Variants in PLPBP observed in about 807,000 individuals in gnomAD.
PLPBP encodes the protein pyridoxal phosphate homeostasis protein.
PLPBP carries 21 observed loss-of-function variants against 31.2 expected under a neutral mutation model. The observed-to-expected ratio is 0.67, with a 90% confidence interval of 0.48 to 0.97. PLPBP has a LOEUF of 0.97. PLPBP is among the 50% of genes least tolerant of loss of function. PLPBP has a pLI of 0.00. For missense variants in PLPBP, 308 were observed against 354.4 expected (o/e 0.87, Z 1.05); for synonymous variants, 124 against 135.6 (o/e 0.91, Z 0.59).
chr8:37,774,505 A>G (rs987494265), intron 5 of PLPBP, among the ~76,000 whole-genome samples: 2 of 152,262 alleles, frequency 1.3e-5, no homozygotes, highest in Admixed American at 6.5e-5. Context: ...AACCCTACAC[A>G]TGTTGTTAGC....
At chr8:37,764,134 G>A (rs1381564089) in intron 1 of PLPBP, among the ~76,000 whole-genome samples, 1 of 145,314 alleles carries the variant, frequency 6.9e-6, no homozygotes, top group Non-Finnish European at 1.5e-5. Context: ...ACAGAGTCTC[G>A]TTCTGTCGCC....
rs1563327341 is a variant in PLPBP at position 37,775,372 on chromosome 8, C to T, written c.488C>T (p.Ala163Val). Residue 163 changes from alanine (A) to valine (V), a missense_variant, in exon 6 of 8, where the codon GCC becomes GTC. By Grantham distance (64) the Ala-to-Val change is moderately conservative. Transcript: ENST00000328195. ...KHGLPPSETI[A>V]IVEHINAKCP... The stretch of plus-strand genomic sequence containing the variant: ...GGCCTTCCACCTTCAGAGACCATAG[C>T]CATCGTGGAGCACATAAACGCCAAG... The T allele has an allele frequency of 6.2e-7, 1 of 1,614,200 alleles. No homozygotes were observed. The highest frequency in any genetic ancestry group is 1.3e-5 in the African/African-American group (1 of 75,066).
At chr8:37,775,242 G>T in intron 5 of PLPBP, 97 bp from the exon 6 acceptor site, 1 of 1,410,384 alleles carries the variant, frequency 7.1e-7, no homozygotes. Flanking sequence ...CTCTTGTTGG[G>T]GGTCACCTCT....
At chr8:37,766,551 G>A (rs1585931001) in intron 4 of PLPBP, 196 bp downstream of exon 4, 2 of 1,214,548 alleles carry the variant, frequency 1.6e-6, no homozygotes, top group East Asian at 6.9e-5. Flanking sequence ...CATTTTCTGG[G>A]TTATATATAC....
intron 4 of PLPBP, among the ~76,000 whole-genome samples, chr8:37,772,049 T>G (rs1242006228): frequency 6.6e-6 from 1 of 152,248 alleles, no homozygotes; most frequent in African/African-American, 2.4e-5. Context: ...ACTGCCCATC[T>G]GAAATACTTG....
chr8:37,775,119 T>C (rs1803866949), intron 5 of PLPBP: 3 of 414,144 alleles, frequency 7.2e-6, no homozygotes, highest in South Asian at 5.4e-5. Context: ...GGAAAGAGAA[T>C]CCAACTGATA....
Position 37,771,913 on chromosome 8 carries a change from T to C in PLPBP, c.320-842T>C, listed in dbSNP as rs572101979. Reference sequence around the variant, plus strand: ...AGGCAGAGGTTGCAGTGAGCCAAGATTGTGCCACTGCACTCTAGCCTGGGC... The same window carrying C: ...AGGCAGAGGTTGCAGTGAGCCAAGACTGTGCCACTGCACTCTAGCCTGGGC... On this transcript the variant is annotated intron_variant, in intron 4 of 7. Transcript: ENST00000328195. 3.7e-3 allele frequency among the ~76,000 whole-genome samples: 569 copies of C among 152,236 alleles called. 3 individuals carry two copies. The highest frequency in any genetic ancestry group is 0.013 in the African/African-American group (538 of 41,552).
chr8:37,770,918 A>G (rs1000736028), intron 4 of PLPBP, among the ~76,000 whole-genome samples: 3 of 151,984 alleles, frequency 2.0e-5, no homozygotes, highest in African/African-American at 7.2e-5. Flanking sequence ...GGGAGCGGGG[A>G]AGGAGCCAGC....
intron 1 of PLPBP, among the ~76,000 whole-genome samples, chr8:37,763,750 T>C (rs1423750781): frequency 6.6e-6 from 1 of 152,182 alleles, no homozygotes; most frequent in African/African-American, 2.4e-5. Flanking sequence ...TAGTCACGAC[T>C]TGGACTCAAA....
intron 5 of PLPBP, among the ~76,000 whole-genome samples, chr8:37,773,421 C>T (rs1444501266): frequency 1.3e-5 from 2 of 150,216 alleles, no homozygotes; most frequent in Admixed American, 1.3e-4. Flanking sequence ...CCACCCATCT[C>T]GGCCTCCCAA....
At chr8:37,765,950 C>T (rs1803615841) in intron 3 of PLPBP, among the ~76,000 whole-genome samples, 1 of 152,082 alleles carries the variant, frequency 6.6e-6, no homozygotes, top group Non-Finnish European at 1.5e-5. Context: ...GTCGTTTTCT[C>T]ATTGGTGGCT....
intron 1 of PLPBP, among the ~76,000 whole-genome samples, chr8:37,764,572 C>T (rs1200411423): frequency 1.3e-5 from 2 of 152,318 alleles, no homozygotes; most frequent in Admixed American, 6.5e-5. Flanking sequence ...CCACCCACCT[C>T]GGCCTCCCAC....
Position 37,778,989 on chromosome 8 carries a change from A to G in PLPBP, c.*885A>G, listed in dbSNP as rs1301848003. The G allele has an allele frequency of 6.6e-6, 1 of 152,022 alleles. No individual in the cohort carries two copies. Among genetic ancestry groups the G allele is most frequent in the Non-Finnish European group, 1.5e-5 (1 of 68,012 alleles). 9.4% of individuals were successfully genotyped at this position (152,022 alleles called of 1,614,324 possible). On this transcript the variant is annotated 3_prime_UTR_variant, in exon 8 of 8. Transcript: ENST00000328195. ...TGGGAAGTTCTTCATAGATGCTGTC[A>G]CATTTCTTAAAGCAACCTTTTAATA...
Position 37,777,965 on chromosome 8 carries a change from T to C in PLPBP, c.697-8T>C, listed in dbSNP as rs766667849. 1.2e-6 allele frequency: 2 copies of C among 1,609,242 alleles called. No individual in the cohort carries two copies. Among genetic ancestry groups the C allele is most frequent in the South Asian group, 1.1e-5 (1 of 90,912 alleles). ...CTGGTCCTCGATACCTTCTCTTTTT[T>C]CCCACAGGTTGAAGTAGGATCTACA... On this transcript the variant is annotated splice_polypyrimidine_tract_variant and splice_region_variant and intron_variant, in intron 7 of 7. Coordinates refer to ENST00000328195, the MANE Select transcript of PLPBP (RefSeq NM_007198.4).
chr8:37,762,874 C>A, intron 1 of PLPBP, 116 bp downstream of exon 1: 2 of 1,337,540 alleles, frequency 1.5e-6, no homozygotes, highest in Non-Finnish European at 2.0e-6. Context: ...CGGGACTGGT[C>A]GGCCGCCTAG....
At chr8:37,770,412 A>G (rs1373624866) in intron 4 of PLPBP, among the ~76,000 whole-genome samples, 2 of 152,222 alleles carry the variant, frequency 1.3e-5, no homozygotes, top group East Asian at 3.8e-4. Flanking sequence ...CTGCTGGGAA[A>G]ACTAGATATC....
At position 37,775,120 on chromosome 8, in the gene PLPBP, C is replaced by G. The variant is rs111392951; in HGVS notation, c.455-219C>G. ...AATCCTGAGATGGAGGAAAGAGAAT[C>G]CAACTGATAGTTCTTTTCTTGAGAA... On this transcript the variant is annotated intron_variant, in intron 5 of 7. Coordinates refer to ENST00000328195, the MANE Select transcript of PLPBP (RefSeq NM_007198.4). 2.9e-3 allele frequency: 1,212 copies of G among 416,662 alleles called. 12 individuals carry two copies. Among genetic ancestry groups the G allele is most frequent in the African/African-American group, 0.022 (1,094 of 49,376 alleles). 25.8% of individuals were successfully genotyped at this position (416,662 alleles called of 1,614,324 possible). A position where few individuals can be genotyped will look rare whatever the true frequency, so the allele number is the denominator to read the frequency against.
At chr8:37,770,450 C>T (rs1316789556) in intron 4 of PLPBP, among the ~76,000 whole-genome samples, 1 of 152,180 alleles carries the variant, frequency 6.6e-6, no homozygotes, top group African/African-American at 2.4e-5. Flanking sequence ...AACTAGACTC[C>T]TATCTCTCAC....
intron 5 of PLPBP, 171 bp from the exon 6 acceptor site, chr8:37,775,168 G>C: frequency 1.6e-6 from 1 of 635,276 alleles, no homozygotes; most frequent in Non-Finnish European, 2.6e-6. Flanking sequence ...ACCAGAAGCA[G>C]AGCAACATAG....
Sources: allele counts gnomAD v4.1 joint callset (sites outside exome capture counted in the v4.1 genomes callset), GRCh38; gene constraint gnomAD v4.1.1; transcripts MANE v1.5; gene names NCBI Gene and HGNC (gene_info 2026-07-23, HGNC 2026-07-21).